Variants in SYT1 observed in about 807,000 individuals in gnomAD.
The protein encoded by SYT1 is synaptotagmin-1.
In SYT1, 8 loss-of-function variants were observed where a neutral mutation model predicts 44.8. That is an observed-to-expected ratio of 0.18 (90% confidence interval 0.10 to 0.32). SYT1 has a LOEUF of 0.32. Ranked by LOEUF, SYT1 falls within the 10% of genes least tolerant of loss-of-function variation. SYT1 has a pLI of 1.00. For synonymous variants in SYT1, 154 were observed against 188.8 expected (o/e 0.82, Z 1.51); for missense variants, 286 against 509.3 (o/e 0.56, Z 4.22).
At chr12:79,079,890 A>T (rs1876912397) in intron 3 of SYT1, among the ~76,000 whole-genome samples, 1 of 152,110 alleles carries the variant, frequency 6.6e-6, no homozygotes, top group African/African-American at 2.4e-5. Flanking sequence ...TGCTGACTCA[A>T]GGATAATACT....
intron 8 of SYT1, among the ~76,000 whole-genome samples, chr12:79,303,283 C>G (rs1342489213): frequency 6.6e-6 from 1 of 151,962 alleles, no homozygotes. Context: ...TATTTAAACT[C>G]TTTTTATTTT....
At chr12:79,205,131 A>AT (rs563502121) in intron 3 of SYT1, among the ~76,000 whole-genome samples, 256 of 151,866 alleles carry the variant, frequency 1.7e-3, no homozygotes, top group South Asian at 0.013. Context: ...CGACTGGCTA[A>AT]TTTTTTGTAA....
Position 79,285,813 on chromosome 12 carries a change from G to A in SYT1, c.193G>A (p.Ala65Thr), listed in dbSNP as rs142140804. 23 of 1,610,154 alleles carry A rather than the reference G, an allele frequency of 1.4e-5. No individual in the cohort carries two copies. The African/African-American group carries it at 2.8e-4, about 20-fold the overall frequency. Residue 65 changes from alanine (A) to threonine (T), a missense_variant, in exon 5 of 11, where the codon GCC (alanine) becomes ACC (threonine). Coordinates refer to ENST00000261205, the MANE Select transcript of SYT1 (RefSeq NM_005639.3). ...PLPPWALIAI[A>T]IVAVLLVLTC... ...GCCACCGTGGGCCTTAATTGCAATA[G>A]CCATAGTCGCAGTCCTTTTAGTCCT...
intron 9 of SYT1, among the ~76,000 whole-genome samples, chr12:79,438,228 T>A (rs1870201694): frequency 6.6e-6 from 1 of 152,154 alleles, no homozygotes; most frequent in Non-Finnish European, 1.5e-5. Context: ...ATGCCATATA[T>A]GCCTGTATAT....
Position 79,060,272 on chromosome 12 carries a change from A to C in SYT1, c.-18+12910A>C, listed in dbSNP as rs952131611. Among the ~76,000 whole-genome samples, 58 of 151,846 alleles carry C rather than the reference A, an allele frequency of 3.8e-4. 1 individual carries two copies. The highest frequency in any genetic ancestry group is 1.3e-4 in the Non-Finnish European group (9 of 67,964). On this transcript the variant is annotated intron_variant, in intron 3 of 10. Transcript: ENST00000261205. ...TACGTCCCTGTAACAAAAAGCTTTTATTTTCAAGAGCTGTATCTTTAGCCA... is the reference window on the plus strand; with the variant it reads ...TACGTCCCTGTAACAAAAAGCTTTTCTTTTCAAGAGCTGTATCTTTAGCCA...
At chr12:79,446,035 T>TA (rs1870719547) in intron 10 of SYT1, among the ~76,000 whole-genome samples, 8 of 73,506 alleles carry the variant, frequency 1.1e-4, no homozygotes, top group Admixed American at 2.7e-4. Context: ...ATATATATAT[T>TA]ATGCCTAGGT....
chr12:79,439,008 C>G (rs544630549), intron 9 of SYT1, among the ~76,000 whole-genome samples: 1 of 152,228 alleles, frequency 6.6e-6, no homozygotes, highest in African/African-American at 2.4e-5. Context: ...TGGATATTAC[C>G]TCACTCCAAC....
At chr12:79,094,862 G>A (rs1376973999) in intron 3 of SYT1, among the ~76,000 whole-genome samples, 4 of 151,854 alleles carry the variant, frequency 2.6e-5, no homozygotes, top group African/African-American at 9.7e-5. Context: ...GCCTTTTAAT[G>A]GCTTTAACCA....
chr12:78,905,505 A>G (rs1875926992), intron 1 of SYT1, among the ~76,000 whole-genome samples: 1 of 152,162 alleles, frequency 6.6e-6, no homozygotes, highest in Non-Finnish European at 1.5e-5. Flanking sequence ...TCAGCTTTAC[A>G]TTCAATGTTT....
intron 1 of SYT1, among the ~76,000 whole-genome samples, chr12:78,870,935 G>C (rs988395710): frequency 6.6e-6 from 1 of 152,136 alleles, no homozygotes; most frequent in East Asian, 1.9e-4. Flanking sequence ...TTTAAAATGC[G>C]ATACTGAATC....
rs1870582664 is a variant in SYT1, at chr12:79,444,203, C to T, written c.1059C>T (p.Ile353=). 6.2e-7 allele frequency: 1 copy of T among 1,612,402 alleles called. No homozygotes were observed. Among genetic ancestry groups the T allele is most frequent in the East Asian group, 2.2e-5 (1 of 44,814 alleles). The change falls in exon 10 of 11, where the codon ATC becomes ATT. Residue 353 remains isoleucine (I), a synonymous_variant. Coordinates refer to ENST00000261205, the MANE Select transcript of SYT1 (RefSeq NM_005639.3). ...GCTTTGAAGTACCTTTTGAACAAAT[C>T]CAGGTAATGTCAAACATAACTTTGT... ...SFSFEVPFEQ[I]QKVQVVVTVL...
intron 3 of SYT1, among the ~76,000 whole-genome samples, chr12:79,188,783 A>G (rs79298021): frequency 0.013 from 2,005 of 152,266 alleles, 15 homozygotes; most frequent in Non-Finnish European, 0.023. Flanking sequence ...TAGTTAACAC[A>G]AATGAATTAA....
intron 3 of SYT1, among the ~76,000 whole-genome samples, chr12:79,109,722 A>G (rs1439179265): frequency 6.6e-6 from 1 of 152,200 alleles, no homozygotes; most frequent in African/African-American, 2.4e-5. Context: ...AAAAATTGTG[A>G]TATTTCATAG....
chr12:79,206,810 G>T (rs1038278828), intron 3 of SYT1, among the ~76,000 whole-genome samples: 1 of 152,218 alleles, frequency 6.6e-6, no homozygotes, highest in Non-Finnish European at 1.5e-5. Flanking sequence ...ATTACAAGGT[G>T]CAGATACTTA....
intron 2 of SYT1, among the ~76,000 whole-genome samples, chr12:79,000,999 G>A (rs1227805412): frequency 3.3e-5 from 5 of 152,138 alleles, no homozygotes; most frequent in East Asian, 3.9e-4. Flanking sequence ...ATTGAACAGT[G>A]CCTTTCCAAG....
chr12:79,434,830 T>C (rs569984119), intron 9 of SYT1, among the ~76,000 whole-genome samples: 1 of 152,092 alleles, frequency 6.6e-6, no homozygotes, highest in Admixed American at 6.6e-5. Flanking sequence ...CCGCCCACCT[T>C]CCATCCTGCC....
At chr12:79,033,077 T>C (rs1338425817) in intron 2 of SYT1, among the ~76,000 whole-genome samples, 2 of 151,390 alleles carry the variant, frequency 1.3e-5, no homozygotes, top group Non-Finnish European at 3.0e-5. Flanking sequence ...TTCTCTTGAA[T>C]ATGTTCTTTT....
At chr12:79,066,045 C>T (rs1361170772) in intron 3 of SYT1, among the ~76,000 whole-genome samples, 1 of 152,088 alleles carries the variant, frequency 6.6e-6, no homozygotes, top group East Asian at 1.9e-4. Flanking sequence ...TATATACCCA[C>T]ATGCATGAAC....
intron 1 of SYT1, among the ~76,000 whole-genome samples, chr12:78,932,252 A>C (rs1157525321): frequency 6.6e-6 from 1 of 152,224 alleles, no homozygotes; most frequent in Non-Finnish European, 1.5e-5. Flanking sequence ...ATACTTCTGT[A>C]ATGAGAAACC....
Sources: gnomAD v4.1 joint callset for allele counts (sites outside exome capture counted in the v4.1 genomes callset) on GRCh38, gnomAD v4.1.1 for gene constraint, MANE v1.5 for transcripts, NCBI Gene and HGNC (gene_info 2026-07-23, HGNC 2026-07-21) for gene names.